Variants in CDKAL1 observed in about 807,000 individuals in gnomAD.
The protein encoded by CDKAL1 is CDKAL1 threonylcarbamoyladenosine tRNA methylthiotransferase.
Under a neutral mutation model 68.2 loss-of-function variants are expected in CDKAL1, and 32 were observed. The ratio of observed to expected loss-of-function variants is 0.47; its 90% CI spans 0.35 to 0.63. CDKAL1 has a LOEUF of 0.63. Ranked by LOEUF, CDKAL1 falls within the 30% of genes least tolerant of loss-of-function variation. CDKAL1 has a pLI of 0.00. For missense variants in CDKAL1, 606 were observed against 696.7 expected (o/e 0.87, Z 1.47); for synonymous variants, 234 against 244.3 (o/e 0.96, Z 0.39).
chr6:21,119,801 C>T (rs1469733889), intron 13 of CDKAL1, among the ~76,000 whole-genome samples: 1 of 152,100 alleles, frequency 6.6e-6, no homozygotes. Flanking sequence ...TGTTTCCCTT[C>T]TATTGGAGAC....
intron 9 of CDKAL1, among the ~76,000 whole-genome samples, chr6:20,889,335 G>A (rs1342664016): frequency 6.6e-6 from 1 of 152,176 alleles, no homozygotes; most frequent in Non-Finnish European, 1.5e-5. Context: ...TATTCACTCT[G>A]ATGGTAGTTT....
At chr6:20,644,190 A>G (rs1398474051) in intron 4 of CDKAL1, among the ~76,000 whole-genome samples, 1 of 151,298 alleles carries the variant, frequency 6.6e-6, no homozygotes, top group Non-Finnish European at 1.5e-5. Flanking sequence ...AGGCTCTTTA[A>G]GACTGTAAAC....
intron 2 of CDKAL1, among the ~76,000 whole-genome samples, chr6:20,544,214 C>A (rs1436153468): frequency 2.6e-5 from 4 of 151,390 alleles, no homozygotes; most frequent in Non-Finnish European, 5.9e-5. Flanking sequence ...AGGTCTGTTT[C>A]TGGGTTTTCT....
intron 4 of CDKAL1, among the ~76,000 whole-genome samples, chr6:20,551,370 C>CTTT (rs34611621): frequency 7.1e-6 from 1 of 141,494 alleles, no homozygotes; most frequent in Non-Finnish European, 1.6e-5. Context: ...ACTAAAATAT[C>CTTT]TTTTTTTTTT....
chr6:20,551,836 C>G (rs917563310), intron 4 of CDKAL1, among the ~76,000 whole-genome samples: 1 of 151,796 alleles, frequency 6.6e-6, no homozygotes, highest in Non-Finnish European at 1.5e-5. Flanking sequence ...CCTGGGCTTG[C>G]CTTACCATAT....
At chr6:21,201,085 A>G (rs749643583) in intron 14 of CDKAL1, 25 bp from the exon 15 acceptor site, 2 of 1,576,326 alleles carry the variant, frequency 1.3e-6, no homozygotes, top group East Asian at 4.5e-5. Flanking sequence ...TTAAAAATTA[A>G]GCCTCTGAAA....
At chr6:21,140,536 T>C (rs1355139164) in intron 13 of CDKAL1, among the ~76,000 whole-genome samples, 1 of 152,208 alleles carries the variant, frequency 6.6e-6, no homozygotes, top group Non-Finnish European at 1.5e-5. Context: ...ATTATCCATC[T>C]ACCCAAGGTT....
At chr6:20,894,285 A>G (rs909134050) in intron 9 of CDKAL1, among the ~76,000 whole-genome samples, 2 of 151,360 alleles carry the variant, frequency 1.3e-5, no homozygotes, top group Non-Finnish European at 2.9e-5. Flanking sequence ...AATGAAAATT[A>G]TTTTCTCCTT....
At chr6:20,921,624 G>A (rs1249206868) in intron 9 of CDKAL1, among the ~76,000 whole-genome samples, 1 of 152,154 alleles carries the variant, frequency 6.6e-6, no homozygotes, top group Non-Finnish European at 1.5e-5. Context: ...GTCCTGTGGT[G>A]CATCCTAGTT....
rs1406432905 is a variant in CDKAL1 at position 21,154,890 on chromosome 6, G to A, written c.1300-43131G>A. Among the ~76,000 whole-genome samples the A allele has an allele frequency of 2.0e-5, 3 of 152,180 alleles. No homozygotes were observed. The East Asian group carries it at 5.8e-4, about 29-fold the overall frequency. On this transcript the variant is annotated intron_variant, in intron 13 of 15. Transcript: ENST00000274695. ...CACCTGTAATGCCAGCTACTCAGGAGGCTGAGGCAGGGGAATCACTTGAAC... is the reference window on the plus strand; with the variant it reads ...CACCTGTAATGCCAGCTACTCAGGAAGCTGAGGCAGGGGAATCACTTGAAC...
At chr6:21,152,686 T>C (rs1385121106) in intron 13 of CDKAL1, among the ~76,000 whole-genome samples, 1 of 152,264 alleles carries the variant, frequency 6.6e-6, no homozygotes, top group Non-Finnish European at 1.5e-5. Context: ...TTATGTTTTA[T>C]ATGTAACTGT....
At position 20,562,683 on chromosome 6, in the gene CDKAL1, A is replaced by C. The variant is rs142505328; in HGVS notation, c.286+13978A>C. Among the ~76,000 whole-genome samples, 754 of 152,152 alleles carry C rather than the reference A, an allele frequency of 5.0e-3. 7 individuals are homozygous for C. Among genetic ancestry groups the C allele is most frequent in the African/African-American group, 0.017 (701 of 41,500 alleles). ...CTTTGACCTGGAAGGTGGAGGCTGCAGTGAGCCAAGATCATGCCACTACAC... is the reference window on the plus strand; with the variant it reads ...CTTTGACCTGGAAGGTGGAGGCTGCCGTGAGCCAAGATCATGCCACTACAC... On this transcript the variant is annotated intron_variant, in intron 4 of 15. Transcript: ENST00000274695.
At chr6:20,683,917 T>G (rs2127795247) in intron 5 of CDKAL1, among the ~76,000 whole-genome samples, 1 of 152,356 alleles carries the variant, frequency 6.6e-6, no homozygotes, top group Non-Finnish European at 1.5e-5. Flanking sequence ...TTGTCTCCAC[T>G]GTTTTATATT....
intron 4 of CDKAL1, among the ~76,000 whole-genome samples, chr6:20,583,043 T>C (rs1765201098): frequency 6.6e-6 from 1 of 152,162 alleles, no homozygotes; most frequent in Admixed American, 6.5e-5. Context: ...TAGAAAACAA[T>C]TTCCTATTTT....
chr6:21,077,461 G>A (rs1339234741), intron 12 of CDKAL1, among the ~76,000 whole-genome samples: 3 of 152,186 alleles, frequency 2.0e-5, no homozygotes, highest in East Asian at 1.9e-4. Context: ...AGAACTACCT[G>A]AGACTGGGTA....
intron 15 of CDKAL1, among the ~76,000 whole-genome samples, chr6:21,208,107 G>A (rs1280205058): frequency 7.1e-4 from 108 of 151,922 alleles, no homozygotes; most frequent in Non-Finnish European, 1.3e-4. Context: ...GCCCCAGGGT[G>A]CCTCAGTGCC....
At chr6:20,830,328 A>G (rs1383996406) in intron 8 of CDKAL1, among the ~76,000 whole-genome samples, 1 of 152,200 alleles carries the variant, frequency 6.6e-6, no homozygotes, top group Non-Finnish European at 1.5e-5. Context: ...ACAGAAATGC[A>G]ACAATATGTT....
At chr6:21,110,051 C>T (rs1040727553) in intron 13 of CDKAL1, among the ~76,000 whole-genome samples, 1 of 152,184 alleles carries the variant, frequency 6.6e-6, no homozygotes, top group Non-Finnish European at 1.5e-5. Context: ...TCCTCTACAA[C>T]TTAGTCATCA....
Position 20,684,485 on chromosome 6 carries a change from A to G in CDKAL1, c.371+35108A>G, listed in dbSNP as rs184450014. 3.4e-3 allele frequency among the ~76,000 whole-genome samples: 521 copies of G among 152,330 alleles called. 12 individuals carry two copies. The highest frequency in any genetic ancestry group is 3.8e-4 in the Non-Finnish European group (26 of 68,012). ...TAAAGCTGCTATAAACATTGTGTGC[A>G]GTTTTTATATGGACATAAGTTGTCA... On this transcript the variant is annotated intron_variant, in intron 5 of 15. Coordinates refer to ENST00000274695, the MANE Select transcript of CDKAL1 (RefSeq NM_017774.3).
Sources: allele counts gnomAD v4.1 joint callset (sites outside exome capture counted in the v4.1 genomes callset), GRCh38; gene constraint gnomAD v4.1.1; transcripts MANE v1.5; gene names NCBI Gene and HGNC (gene_info 2026-07-23, HGNC 2026-07-21).